Variants in ASNS observed in about 807,000 individuals in gnomAD.
The protein encoded by ASNS is asparagine synthetase (glutamine-hydrolyzing).
ASNS carries 37 observed loss-of-function variants against 62.6 expected under a neutral mutation model. The ratio of observed to expected loss-of-function variants is 0.59; its 90% CI spans 0.45 to 0.78. The LOEUF is 0.78. ASNS is among the 30% of genes least tolerant of loss of function. The pLI is 0.00. For synonymous variants in ASNS, 207 were observed against 237.9 expected (o/e 0.87, Z 1.19); for missense variants, 520 against 682.4 (o/e 0.76, Z 2.65).
chr7:97,854,352 A>G (rs1399753637), intron 10 of ASNS, among the ~76,000 whole-genome samples: 2 of 152,202 alleles, frequency 1.3e-5, no homozygotes, highest in African/African-American at 4.8e-5. Flanking sequence ...ACTTCTCTCC[A>G]TATACCACAA....
At chr7:97,875,429 A>G (rs1294221079), upstream of ASNS, among the ~76,000 whole-genome samples, 3 of 152,102 alleles carry the variant, frequency 2.0e-5, no homozygotes, top group Non-Finnish European at 4.4e-5. Context: ...ATGAGCCACC[A>G]TGCCTGGCCA....
chr7:97,878,970 G>C, the ASNS span, among the ~76,000 whole-genome samples: 1 of 152,160 alleles, frequency 6.6e-6, no homozygotes, highest in African/African-American at 2.4e-5. Context: ...GAACAGAACA[G>C]AGCCCTCAGA....
At chr7:97,897,943 T>C in the ASNS span, among the ~76,000 whole-genome samples, 1 of 152,184 alleles carries the variant, frequency 6.6e-6, no homozygotes. Flanking sequence ...TGAAATCCTG[T>C]CATTTTCAGC....
chr7:97,896,741 C>CACACATATATATAT, the ASNS span, among the ~76,000 whole-genome samples: 14 of 19,774 alleles, frequency 7.1e-4, 1 homozygote, highest in Admixed American at 2.3e-3. Flanking sequence ...CACACACACA[C>CACACATATATATAT]ATATATATAT....
chr7:97,854,536 G>C, intron 10 of ASNS, 44 bp downstream of exon 10: 2 of 1,586,116 alleles, frequency 1.3e-6, no homozygotes, highest in Non-Finnish European at 1.7e-6. Context: ...TTTGTTTTTG[G>C]TGTTTTTTTG....
intron 9 of ASNS, 65 bp from the exon 10 acceptor site, chr7:97,854,745 C>T (rs1791354434): frequency 6.2e-7 from 1 of 1,606,462 alleles, no homozygotes. Context: ...TTCTTTCTCC[C>T]TCTCCAATCC....
chr7:97,856,302 G>A lies in ASNS; in HGVS notation c.1030+388C>T, dbSNP rs564860030. On this transcript the variant is annotated intron_variant, in intron 8 of 12. Transcript: ENST00000394308. Reference sequence around the variant, plus strand: ...AATGATAGCTAGTGACTGGTAAGTTGTGTGATGGAATATATCTAAAATGAC... The same window carrying A: ...AATGATAGCTAGTGACTGGTAAGTTATGTGATGGAATATATCTAAAATGAC... Among the ~76,000 whole-genome samples the A allele has an allele frequency of 2.6e-5, 4 of 152,318 alleles. No homozygotes were observed. In the East Asian group the frequency reaches 7.7e-4, roughly 29 times the overall value.
At chr7:97,855,709 T>A (rs1791405422) in intron 8 of ASNS, among the ~76,000 whole-genome samples, 1 of 152,220 alleles carries the variant, frequency 6.6e-6, no homozygotes, top group Non-Finnish European at 1.5e-5. Context: ...AAAATTCTAA[T>A]GTTTTTAGAC....
the ASNS span, among the ~76,000 whole-genome samples, chr7:97,920,253 C>T: frequency 6.6e-6 from 1 of 152,186 alleles, no homozygotes; most frequent in African/African-American, 2.4e-5. Context: ...ATCCGCCCAC[C>T]TTGGCCTCTC....
At chr7:97,861,195 G>C (rs1490162810) in intron 4 of ASNS, among the ~76,000 whole-genome samples, 1 of 151,942 alleles carries the variant, frequency 6.6e-6, no homozygotes, top group Non-Finnish European at 1.5e-5. Flanking sequence ...CTAATTTTTA[G>C]TAGAGACGGG....
the ASNS span, among the ~76,000 whole-genome samples, chr7:97,921,686 C>A: frequency 2.6e-5 from 4 of 152,168 alleles, no homozygotes; most frequent in Non-Finnish European, 5.9e-5. Context: ...CAGAGCAGGG[C>A]TCTCCACCAA....
At chr7:97,891,966 T>C in the ASNS span, among the ~76,000 whole-genome samples, 2 of 152,246 alleles carry the variant, frequency 1.3e-5, no homozygotes, top group Admixed American at 1.3e-4. Context: ...AGGGACTCTA[T>C]GTGGGGGCTC....
At chr7:97,910,415 A>G in the ASNS span, among the ~76,000 whole-genome samples, 1 of 152,178 alleles carries the variant, frequency 6.6e-6, no homozygotes, top group Admixed American at 6.5e-5. Context: ...CACTATTTAC[A>G]ATACTTAGAA....
chr7:97,919,091 GTC>G, the ASNS span, among the ~76,000 whole-genome samples: 5 of 151,810 alleles, frequency 3.3e-5, no homozygotes, highest in Non-Finnish European at 7.4e-5. Context: ...TGGAAACATA[GTC>G]TCGCTCTATT....
At position 97,853,093 on chromosome 7, in the gene ASNS, C is replaced by T; in HGVS notation, c.1443G>A (p.Trp481Ter). Residue 481 changes from tryptophan to a stop codon, truncating the protein, a stop_gained, in exon 12 of 13, where the codon TGG becomes TGA. Transcript: ENST00000394308. LOFTEE classifies it high-confidence loss of function. ...SDGITSVKNS[W>*]FKILQEYVEH... ...CAACGTATTCCTGTAAAATCTTAAACCAGGAATTCTTAACTGAAGTTATTC... is the reference window on the plus strand; with the variant it reads ...CAACGTATTCCTGTAAAATCTTAAATCAGGAATTCTTAACTGAAGTTATTC... 6.3e-7 allele frequency: 1 copy of T among 1,594,744 alleles called. No individual in the cohort carries two copies. Among genetic ancestry groups the T allele is most frequent in the South Asian group, 1.1e-5 (1 of 87,054 alleles).
At chr7:97,911,977 T>C in the ASNS span, among the ~76,000 whole-genome samples, 1 of 152,186 alleles carries the variant, frequency 6.6e-6, no homozygotes, top group Non-Finnish European at 1.5e-5. Context: ...TGAGAGCTTT[T>C]GCAAACATAG....
At chr7:97,858,537 G>T in intron 6 of ASNS, 132 bp from the exon 7 acceptor site, 1 of 1,165,876 alleles carries the variant, frequency 8.6e-7, no homozygotes, top group Non-Finnish European at 1.2e-6. Flanking sequence ...TTTATAAACT[G>T]AAATCAACTT....
At chr7:97,922,137 A>G in the ASNS span, among the ~76,000 whole-genome samples, 2 of 152,186 alleles carry the variant, frequency 1.3e-5, no homozygotes, top group African/African-American at 2.4e-5. Flanking sequence ...GGCTGAGGCC[A>G]GCAGATTGCT....
chr7:97,879,877 G>A, the ASNS span, among the ~76,000 whole-genome samples: 3 of 152,298 alleles, frequency 2.0e-5, no homozygotes, highest in Admixed American at 2.0e-4. Context: ...ACATTACTGA[G>A]CGAAATGTAG....
Sources: gnomAD v4.1 joint callset for allele counts (sites outside exome capture counted in the v4.1 genomes callset) on GRCh38, gnomAD v4.1.1 for gene constraint, MANE v1.5 for transcripts, NCBI Gene and HGNC (gene_info 2026-07-23, HGNC 2026-07-21) for gene names.